The following MEGF11 variants were observed in gnomAD, a reference collection of about 807,000 sequenced individuals.
MEGF11 encodes the protein multiple epidermal growth factor-like domains protein 11.
A neutral mutation model predicts 146.6 loss-of-function variants in MEGF11; 126 were observed. The observed-to-expected ratio is 0.86, with a 90% confidence interval of 0.74 to 1.00. MEGF11 has a LOEUF of 1.00. Among genes scored for constraint, MEGF11 ranks in the 50% least tolerant of loss-of-function variants. The pLI, the probability that MEGF11 is intolerant of heterozygous loss-of-function variation, is 0.00. For missense variants in MEGF11, 1,509 were observed against 1,521.2 expected, an observed-to-expected ratio of 0.99 and a Z score of 0.13; for synonymous variants, 532 against 583.4, an observed-to-expected ratio of 0.91 and a Z score of 1.27.
At chr15:66,125,032 T>C (rs2088267602) in intron 2 of MEGF11, among the ~76,000 whole-genome samples, 1 of 152,228 alleles carries the variant, frequency 6.6e-6, no homozygotes, top group African/African-American at 2.4e-5. Context: ...GAAACTGCAT[T>C]GGTTACCTTG....
At chr15:66,119,982 GC>G (rs1221782371) in intron 3 of MEGF11, among the ~76,000 whole-genome samples, 5 of 152,102 alleles carry the variant, frequency 3.3e-5, no homozygotes, top group Non-Finnish European at 7.4e-5. Flanking sequence ...CTCTTTTAGA[GC>G]TTTTATTCTA....
At chr15:66,170,311 C>T (rs534210422) in intron 1 of MEGF11, among the ~76,000 whole-genome samples, 13 of 152,218 alleles carry the variant, frequency 8.5e-5, no homozygotes, top group African/African-American at 2.9e-4. Context: ...GGATATTTTG[C>T]GTTTTGCAGA....
chr15:66,018,603 G>A (rs1168332277), intron 5 of MEGF11, among the ~76,000 whole-genome samples: 3 of 152,210 alleles, frequency 2.0e-5, no homozygotes, highest in African/African-American at 4.8e-5. Context: ...GAGGGTGTGC[G>A]TGTGCAAGCT....
intron 1 of MEGF11, among the ~76,000 whole-genome samples, chr15:66,242,505 GGGAA>G (rs1456173678): frequency 7.2e-6 from 1 of 139,618 alleles, no homozygotes; most frequent in Non-Finnish European, 1.6e-5. Flanking sequence ...GAGGGAGGGA[GGGAA>G]GGGAGGGAGG....
intron 1 of MEGF11, among the ~76,000 whole-genome samples, chr15:66,218,711 G>T (rs952563377): frequency 6.6e-6 from 1 of 152,096 alleles, no homozygotes; most frequent in Non-Finnish European, 1.5e-5. Flanking sequence ...GGAAGCCAGG[G>T]CCTGTTTTGG....
intron 4 of MEGF11, among the ~76,000 whole-genome samples, chr15:66,113,840 C>T (rs1362815012): frequency 6.6e-6 from 1 of 151,686 alleles, no homozygotes; most frequent in East Asian, 1.9e-4. Flanking sequence ...GAGATTGCAC[C>T]ACTGCACTCC....
intron 3 of MEGF11, among the ~76,000 whole-genome samples, chr15:66,121,636 G>A (rs2088029529): frequency 1.3e-5 from 2 of 152,076 alleles, no homozygotes; most frequent in African/African-American, 2.4e-5. Flanking sequence ...AGAACCACAG[G>A]ACAAGGCCAG....
intron 5 of MEGF11, among the ~76,000 whole-genome samples, chr15:66,043,358 G>C (rs1233238917): frequency 6.6e-6 from 1 of 152,234 alleles, no homozygotes; most frequent in Non-Finnish European, 1.5e-5. Context: ...TGCCAGGCCA[G>C]CTGGGATGCT....
Position 65,898,849 on chromosome 15 carries a change from G to C in MEGF11, c.3141C>G (p.Pro1047=), listed in dbSNP as rs2141126957. Residue 1047 remains proline, a synonymous_variant, in exon 25 of 26, where the codon CCC becomes CCG. Transcript: ENST00000395614. The part of the protein sequence containing the change: ...ENPYATIKDP[P]ILTCKLPESS... ...TTTCTGGAAGCTTGCAGGTGAGGAT[G>C]GGTGGGTCCTTAATTGTGGCGTAAG... 1 of 1,613,980 alleles carries C rather than the reference G, an allele frequency of 6.2e-7. No individual in the cohort carries two copies. The highest frequency in any genetic ancestry group is 2.2e-5 in the East Asian group (1 of 44,884).
At chr15:65,939,197 T>C (rs1281692833) in intron 10 of MEGF11, among the ~76,000 whole-genome samples, 1 of 152,094 alleles carries the variant, frequency 6.6e-6, no homozygotes, top group Non-Finnish European at 1.5e-5. Context: ...CTGTGGGAGC[T>C]CAGCAGAGAT....
intron 4 of MEGF11, among the ~76,000 whole-genome samples, chr15:66,099,977 C>T (rs1354541913): frequency 1.3e-5 from 2 of 152,210 alleles, no homozygotes; most frequent in Admixed American, 1.3e-4. Context: ...GGGCATAGCC[C>T]TTTCCGTGTC....
chr15:65,960,239 G>A (rs1275305695), intron 9 of MEGF11, among the ~76,000 whole-genome samples: 2 of 152,214 alleles, frequency 1.3e-5, no homozygotes, highest in Non-Finnish European at 2.9e-5. Flanking sequence ...TTCTTTAAAT[G>A]TATTCCCTAA....
Position 65,913,978 on chromosome 15 carries a change from G to A in MEGF11, c.2474-5C>T, listed in dbSNP as rs750640133. On this transcript the variant is annotated splice_region_variant and splice_polypyrimidine_tract_variant and intron_variant, in intron 19 of 25. Coordinates refer to ENST00000395614, the MANE Select transcript of MEGF11 (RefSeq NM_001385028.1). ...GCTCCTCCATCATGAGGGCAGCTGC[G>A]GGCAGAGGGAGGGCCTGAGCCTGGG... is the stretch of plus-strand genomic sequence containing the variant. 9 of 1,611,948 alleles carry A rather than the reference G, an allele frequency of 5.6e-6. No individual in the cohort carries two copies. The highest frequency in any genetic ancestry group is 2.2e-5 in the South Asian group (2 of 91,058).
rs551139196 is a variant in MEGF11, at chr15:65,971,830, A to AAC, written c.763-1143_763-1142dup. Among the ~76,000 whole-genome samples, 6 of 152,294 alleles carry AAC rather than the reference A, an allele frequency of 3.9e-5. No individual in the cohort carries two copies. In the South Asian group the frequency reaches 1.2e-3, roughly 32 times the overall value. ...CACATGAAAGAGAAACACTGAAATA[A>AAC]ACAAATAGGCAACAGGAACACAGAG... On this transcript the variant is annotated intron_variant, in intron 7 of 25. Coordinates refer to ENST00000395614, the MANE Select transcript of MEGF11 (RefSeq NM_001385028.1).
intron 4 of MEGF11, among the ~76,000 whole-genome samples, chr15:66,098,597 GC>G (rs138994132): frequency 1.9e-3 from 283 of 152,300 alleles, no homozygotes; most frequent in African/African-American, 6.7e-3. Flanking sequence ...GAATCCTCCA[GC>G]ATATCATCTC....
chr15:66,137,482 G>A (rs1217680778), intron 1 of MEGF11, among the ~76,000 whole-genome samples: 1 of 152,110 alleles, frequency 6.6e-6, no homozygotes, highest in African/African-American at 2.4e-5. Context: ...GAGGGAGGAA[G>A]GACAGGAAGA....
intron 17 of MEGF11, 146 bp downstream of exon 17, chr15:65,916,682 A>T (rs1398147162): frequency 1.2e-5 from 16 of 1,373,220 alleles, no homozygotes; most frequent in Middle Eastern, 3.5e-4. Context: ...AGAGCTCCTC[A>T]GTTCTCGTGG....
chr15:65,908,584 T>G (rs1247839634), intron 23 of MEGF11, among the ~76,000 whole-genome samples: 1 of 152,192 alleles, frequency 6.6e-6, no homozygotes, highest in Non-Finnish European at 1.5e-5. Flanking sequence ...CCCTGTGATT[T>G]GAGAAAGCTT....
intron 18 of MEGF11, 65 bp from the exon 19 acceptor site, chr15:65,915,663 A>T: frequency 6.3e-7 from 1 of 1,580,834 alleles, no homozygotes; most frequent in South Asian, 1.2e-5. Flanking sequence ...TTCCATGTTT[A>T]GACAGCTATG....
Sources: allele counts gnomAD v4.1 joint callset (sites outside exome capture counted in the v4.1 genomes callset), GRCh38; gene constraint gnomAD v4.1.1; transcripts MANE v1.5; gene names NCBI Gene and HGNC (gene_info 2026-07-23, HGNC 2026-07-21).